The following CDYL2 variants were observed in gnomAD, a reference collection of about 807,000 sequenced individuals.
The protein encoded by CDYL2 is chromodomain Y-like protein 2.
Under a neutral mutation model 49.4 loss-of-function variants are expected in CDYL2, and 23 were observed. The ratio of observed to expected loss-of-function variants is 0.47; its 90% CI spans 0.34 to 0.66. The LOEUF (loss-of-function observed/expected upper bound fraction) is 0.66, where lower values mean the gene tolerates loss of function less well. Among genes scored for constraint, CDYL2 ranks in the 30% least tolerant of loss-of-function variants. The pLI is 0.01. For synonymous variants in CDYL2, 360 were observed against 268.8 expected (o/e 1.34, Z -3.32); for missense variants, 678 against 656.4 (o/e 1.03, Z -0.36).
At chr16:80,686,368 C>A (rs1910193793) in intron 1 of CDYL2, among the ~76,000 whole-genome samples, 1 of 152,096 alleles carries the variant, frequency 6.6e-6, no homozygotes, top group South Asian at 2.1e-4. Context: ...AATGTTGTAC[C>A]CTCCAAATGC....
intron 1 of CDYL2, among the ~76,000 whole-genome samples, chr16:80,709,317 G>A (rs932377668): frequency 2.0e-5 from 3 of 151,440 alleles, no homozygotes; most frequent in Non-Finnish European, 2.9e-5. Context: ...GGGGAGTGGA[G>A]GTTGCAGTGA....
intron 1 of CDYL2, among the ~76,000 whole-genome samples, chr16:80,761,453 C>A (rs1906526435): frequency 6.6e-6 from 1 of 152,146 alleles, no homozygotes; most frequent in Admixed American, 6.5e-5. Flanking sequence ...AGTAAAAGTG[C>A]CCCAAGAGTG....
At chr16:80,686,860 G>A (rs1393977043) in intron 1 of CDYL2, among the ~76,000 whole-genome samples, 2 of 152,098 alleles carry the variant, frequency 1.3e-5, no homozygotes, top group East Asian at 1.9e-4. Context: ...CATCCAAACT[G>A]GCTATCAAAA....
chr16:80,746,736 G>C (rs1597112845), intron 1 of CDYL2, among the ~76,000 whole-genome samples: 1 of 152,250 alleles, frequency 6.6e-6, no homozygotes, highest in East Asian at 1.9e-4. Flanking sequence ...ACACCAGTGA[G>C]GCTGCAGGAG....
rs1452825232 is a variant in CDYL2, at chr16:80,647,692, T to A, written c.617-14456A>T. ...CATCTGCACTATAGGCCAAATGGAC[T>A]TAATATTTACAAAACATTTAATCCA... is the stretch of plus-strand genomic sequence containing the variant. On this transcript the variant is annotated intron_variant, in intron 2 of 6. Transcript: ENST00000570137. Among the ~76,000 whole-genome samples the A allele has an allele frequency of 2.6e-5, 4 of 152,266 alleles. No individual in the cohort carries two copies. In the East Asian group the frequency reaches 5.8e-4, roughly 22 times the overall value.
intron 2 of CDYL2, among the ~76,000 whole-genome samples, chr16:80,658,848 G>A (rs1015930185): frequency 3.9e-5 from 6 of 151,910 alleles, no homozygotes; most frequent in African/African-American, 1.5e-4. Flanking sequence ...GGTATACTTT[G>A]GGCTAGAAAA....
chr16:80,716,407 T>G (rs1266736432), intron 1 of CDYL2, among the ~76,000 whole-genome samples: 1 of 152,022 alleles, frequency 6.6e-6, no homozygotes, highest in African/African-American at 2.4e-5. Context: ...AGTGGGTGGG[T>G]GGATGGATAG....
At chr16:80,782,895 A>C (rs562907513) in intron 1 of CDYL2, among the ~76,000 whole-genome samples, 1 of 152,296 alleles carries the variant, frequency 6.6e-6, no homozygotes, top group South Asian at 2.1e-4. Context: ...CTAACACCAT[A>C]TTCAGGTAAA....
chr16:80,670,129 T>C (rs921663276), intron 2 of CDYL2, among the ~76,000 whole-genome samples: 2 of 152,210 alleles, frequency 1.3e-5, no homozygotes, highest in Non-Finnish European at 2.9e-5. Flanking sequence ...TTTCCTGTCT[T>C]CTTTTCCCTC....
At position 80,633,031 on chromosome 16, in the gene CDYL2, G is replaced by A. The variant is rs1192513598; in HGVS notation, c.822C>T (p.Ala274=). 2 of 1,613,894 alleles carry A rather than the reference G, an allele frequency of 1.2e-6. No individual in the cohort carries two copies. The highest frequency in any genetic ancestry group is 1.7e-5 in the Admixed American group (1 of 59,994). Residue 274 remains alanine (A), a synonymous_variant, in exon 3 of 7, where the codon GCC becomes GCT. Transcript: ENST00000570137. ...CGCCACCCCTTACCTCAGGTGTCAG[G>A]GCATTGTTATCCGAGGTCTGACTGG... ...LLSSQTSDNN[A]LTPEIMKEVR... is the part of the protein sequence containing the mutation.
rs985897697 is a variant in CDYL2 at position 80,599,432 on chromosome 16, C to A, written c.*4956G>T. The A allele has an allele frequency of 2.6e-5, 4 of 152,152 alleles. No individual in the cohort carries two copies. The highest frequency in any genetic ancestry group is 9.7e-5 in the African/African-American group (4 of 41,422). 9.4% of individuals were successfully genotyped at this position (152,152 alleles called of 1,614,324 possible). ...AAACAGTGGATACACTGTCAAGGAGCTCCATGATTTATGTTCTAGAAAAAC... is the reference window on the plus strand; with the variant it reads ...AAACAGTGGATACACTGTCAAGGAGATCCATGATTTATGTTCTAGAAAAAC... On this transcript the variant is annotated 3_prime_UTR_variant, in exon 7 of 7. Coordinates refer to ENST00000570137, the MANE Select transcript of CDYL2 (RefSeq NM_152342.4).
chr16:80,682,169 G>T (rs916207174), intron 2 of CDYL2, among the ~76,000 whole-genome samples: 23 of 152,262 alleles, frequency 1.5e-4, no homozygotes, highest in African/African-American at 5.5e-4. Context: ...AACCTTACGG[G>T]CACCAGTGCT....
At chr16:80,734,511 T>C (rs554521782) in intron 1 of CDYL2, among the ~76,000 whole-genome samples, 134 of 152,110 alleles carry the variant, frequency 8.8e-4, no homozygotes, top group African/African-American at 3.1e-3. Flanking sequence ...AGAGGACATC[T>C]AGGTGGAAAG....
intron 3 of CDYL2, among the ~76,000 whole-genome samples, chr16:80,630,609 C>CA (rs1351480061): frequency 6.6e-5 from 10 of 152,068 alleles, no homozygotes; most frequent in African/African-American, 2.4e-4. Flanking sequence ...CAGAGGTCTA[C>CA]ACAGCAGAGA....
Position 80,656,968 on chromosome 16 carries a change from C to A in CDYL2, c.617-23732G>T, listed in dbSNP as rs557865764. Among the ~76,000 whole-genome samples, 298 of 152,290 alleles carry A rather than the reference C, an allele frequency of 2.0e-3. 1 individual carries two copies. Among genetic ancestry groups the A allele is most frequent in the Non-Finnish European group, 3.5e-3 (237 of 68,028 alleles). On this transcript the variant is annotated intron_variant, in intron 2 of 6. Coordinates refer to ENST00000570137, the MANE Select transcript of CDYL2 (RefSeq NM_152342.4). ...AAACAGTAACCAAGGGATGTGATAT[C>A]CACGGCTAAGGCTTTATTAGGATCT... is the stretch of plus-strand genomic sequence containing the variant.
Position 80,603,094 on chromosome 16 carries a change from C to G in CDYL2, c.*1294G>C, listed in dbSNP as rs1053055206. On this transcript the variant is annotated 3_prime_UTR_variant, in exon 7 of 7. Transcript: ENST00000570137. ...CTATGTACATAAAAAAACTAGAAAA[C>G]AGATGAGTCATTTCAGCTTCTGGAG... The G allele has an allele frequency of 2.6e-5, 4 of 152,178 alleles. No homozygotes were observed. The highest frequency in any genetic ancestry group is 9.7e-5 in the African/African-American group (4 of 41,414). The allele number at this position is 152,178 out of a possible 1,614,324, so 9.4% of individuals were successfully genotyped here.
chr16:80,771,378 T>C (rs1173026325), intron 1 of CDYL2, among the ~76,000 whole-genome samples: 6 of 152,338 alleles, frequency 3.9e-5, no homozygotes, highest in Non-Finnish European at 7.3e-5. Flanking sequence ...TTATGTCCAA[T>C]GAACTAAAAG....
At chr16:80,729,671 C>G (rs543086226) in intron 1 of CDYL2, among the ~76,000 whole-genome samples, 62 of 152,250 alleles carry the variant, frequency 4.1e-4, no homozygotes, top group Admixed American at 9.8e-4. Flanking sequence ...CCACACCACA[C>G]CTATTCCAAA....
intron 1 of CDYL2, among the ~76,000 whole-genome samples, chr16:80,795,573 A>C (rs1907746849): frequency 6.6e-6 from 1 of 152,198 alleles, no homozygotes; most frequent in Admixed American, 6.5e-5. Context: ...GGAAGGGACA[A>C]GAAGGGGTGG....
Sources: gnomAD v4.1 joint callset for allele counts (sites outside exome capture counted in the v4.1 genomes callset) on GRCh38, gnomAD v4.1.1 for gene constraint, MANE v1.5 for transcripts, NCBI Gene and HGNC (gene_info 2026-07-23, HGNC 2026-07-21) for gene names.